The following PET117 variants were observed in gnomAD, a reference collection of about 807,000 sequenced individuals.
PET117 encodes the protein PET117 cytochrome c oxidase chaperone, also known as protein PET117 homolog, mitochondrial.
A neutral mutation model predicts 9.2 loss-of-function variants in PET117; 10 were observed. The ratio of observed to expected loss-of-function variants is 1.09; its 90% confidence interval spans 0.67 to 1.85. PET117 has a LOEUF of 1.85. Among genes scored for constraint, PET117 ranks in the 40% most tolerant of loss-of-function variants. PET117 has a pLI of 0.00. For missense variants in PET117, 96 were observed against 98.2 expected, an observed-to-expected ratio of 0.98 and a Z score of 0.09; for synonymous variants, 43 against 37.1, an observed-to-expected ratio of 1.16 and a Z score of -0.57.
At chr20:18,139,000 G>A (rs1027160284) in intron 1 of PET117, among the ~76,000 whole-genome samples, 1 of 152,196 alleles carries the variant, frequency 6.6e-6, no homozygotes, top group Non-Finnish European at 1.5e-5. Flanking sequence ...ATAATGGACT[G>A]GATGAATCAA....
chr20:18,139,220 G>A (rs1365328165), intron 1 of PET117, among the ~76,000 whole-genome samples: 1 of 152,156 alleles, frequency 6.6e-6, no homozygotes, highest in African/African-American at 2.4e-5. Flanking sequence ...CAGAGATTTG[G>A]GATTAAAATG....
At chr20:18,141,897 T>TC in intron 1 of PET117, among the ~76,000 whole-genome samples, 1 of 151,082 alleles carries the variant, frequency 6.6e-6, no homozygotes, top group East Asian at 1.9e-4. Flanking sequence ...AAAAAATAAA[T>TC]AAAAAAAAAT....
chr20:18,142,198 AC>A lies in PET117; in HGVS notation c.97-9del, dbSNP rs1332371162. 1 of 1,535,776 alleles carries A rather than the reference AC, an allele frequency of 6.5e-7. No individual in the cohort carries two copies. Among genetic ancestry groups the A allele is most frequent in the Admixed American group, 2.0e-5 (1 of 50,840 alleles). ...GGGATGTTACTGAAATCTGTTTCTT[AC>A]GTTTTTAGAGGCTTCGTGACGGAGT... On this transcript the variant is annotated splice_polypyrimidine_tract_variant and intron_variant, in intron 1 of 1. Coordinates refer to ENST00000432901, the MANE Select transcript of PET117 (RefSeq NM_001164811.2).
In PET117 at chr20:18,142,939, CTTTGA is replaced by C; in HGVS notation, c.*587_*591del. The C allele has an allele frequency of 3.1e-6, 5 of 1,608,624 alleles. No individual in the cohort carries two copies. The highest frequency in any genetic ancestry group is 1.1e-5 in the South Asian group (1 of 90,956). ...CAGCCAGTAAGGAGCTTCTCAATTC[CTTTGA>C]TTTGTCAATTCCTGTGTGAAGGTTT... On this transcript the variant is annotated 3_prime_UTR_variant, in exon 2 of 2. Transcript: ENST00000432901.
chr20:18,140,946 C>A (rs1479176917), intron 1 of PET117, among the ~76,000 whole-genome samples: 1 of 149,868 alleles, frequency 6.7e-6, no homozygotes, highest in Non-Finnish European at 1.5e-5. Context: ...CAGCCTGTGC[C>A]TCCCAGGCTG....
chr20:18,141,759 C>A (rs1314049768), intron 1 of PET117, among the ~76,000 whole-genome samples: 1 of 152,164 alleles, frequency 6.6e-6, no homozygotes, highest in Non-Finnish European at 1.5e-5. Context: ...TGATGCACGC[C>A]TGTAGTCTCA....
intron 1 of PET117, among the ~76,000 whole-genome samples, chr20:18,139,855 G>C (rs1157204250): frequency 6.6e-6 from 1 of 152,084 alleles, no homozygotes; most frequent in Non-Finnish European, 1.5e-5. Context: ...AGTGTATTAA[G>C]CACTTTATGT....
chr20:18,138,177 T>C, intron 1 of PET117, 126 bp downstream of exon 1: 1 of 1,295,860 alleles, frequency 7.7e-7, no homozygotes, highest in Non-Finnish European at 9.8e-7. Context: ...GGCGCGGCCC[T>C]GCACCCCACG....
At position 18,142,189 on chromosome 20, in the gene PET117, C is replaced by T. The variant is rs2037612728; in HGVS notation, c.97-19C>T. 2 of 1,534,084 alleles carry T rather than the reference C, an allele frequency of 1.3e-6. No homozygotes were observed. The highest frequency in any genetic ancestry group is 2.4e-5 in the South Asian group (2 of 83,722). ...CACCTGTTCGGGATGTTACTGAAAT[C>T]TGTTTCTTACGTTTTTAGAGGCTTC... is the stretch of plus-strand genomic sequence containing the variant. On this transcript the variant is annotated intron_variant, in intron 1 of 1. Coordinates refer to ENST00000432901, the MANE Select transcript of PET117 (RefSeq NM_001164811.2).
intron 1 of PET117, among the ~76,000 whole-genome samples, chr20:18,138,804 C>T (rs2037405863): frequency 6.6e-6 from 1 of 152,088 alleles, no homozygotes; most frequent in Non-Finnish European, 1.5e-5. Context: ...GTTGACAGAC[C>T]TTTAATGGGT....
intron 1 of PET117, among the ~76,000 whole-genome samples, chr20:18,138,859 A>G (rs1012977845): frequency 6.6e-6 from 1 of 152,198 alleles, no homozygotes; most frequent in African/African-American, 2.4e-5. Context: ...TGGGAATACA[A>G]AGATAAGGAA....
intron 1 of PET117, among the ~76,000 whole-genome samples, chr20:18,141,869 G>C (rs1220136786): frequency 6.6e-6 from 1 of 152,134 alleles, no homozygotes; most frequent in East Asian, 1.9e-4. Flanking sequence ...CTGGGCGACA[G>C]AGCGAGACTC....
Position 18,137,879 on chromosome 20 carries a change from G to A in PET117, c.-77G>A. On this transcript the variant is annotated 5_prime_UTR_variant, in exon 1 of 2. Transcript: ENST00000432901. ...CGAGGGGTCGAGCCTGGGCAGTACAGGCGGCGGTGCGCACTCTGCGGCGGC... is the reference window on the plus strand; with the variant it reads ...CGAGGGGTCGAGCCTGGGCAGTACAAGCGGCGGTGCGCACTCTGCGGCGGC... 1 of 1,386,956 alleles carries A rather than the reference G, an allele frequency of 7.2e-7. No individual in the cohort carries two copies. Among genetic ancestry groups the A allele is most frequent in the South Asian group, 1.5e-5 (1 of 68,246 alleles). 85.9% of individuals were successfully genotyped at this position (1,386,956 alleles called of 1,614,324 possible).
chr20:18,139,574 A>G (rs1182094339), intron 1 of PET117, among the ~76,000 whole-genome samples: 1 of 151,950 alleles, frequency 6.6e-6, no homozygotes, highest in Non-Finnish European at 1.5e-5. Flanking sequence ...ACTAAGCACC[A>G]TTGTGTTACA....
rs1253113580 is a variant in PET117 at position 18,142,729 on chromosome 20, C to T, written c.*372C>T. 1 of 1,614,072 alleles carries T rather than the reference C, an allele frequency of 6.2e-7. No homozygotes were observed. The highest frequency in any genetic ancestry group is 2.2e-5 in the East Asian group (1 of 44,892). On this transcript the variant is annotated 3_prime_UTR_variant, in exon 2 of 2. Coordinates refer to ENST00000432901, the MANE Select transcript of PET117 (RefSeq NM_001164811.2). ...ATGACGAAGCCACGAGAACATCGAC[C>T]TCAGAAGGACTGGAGGAAGGTGAAG... is the stretch of plus-strand genomic sequence containing the variant.
intron 1 of PET117, among the ~76,000 whole-genome samples, chr20:18,141,379 C>G (rs1040670792): frequency 2.0e-5 from 3 of 151,958 alleles, no homozygotes; most frequent in African/African-American, 7.3e-5. Flanking sequence ...TCTTTTTCTT[C>G]TTTCTCTGTT....
chr20:18,142,381 A>C lies in PET117; in HGVS notation c.*24A>C. 1 of 1,530,884 alleles carries C rather than the reference A, an allele frequency of 6.5e-7. No homozygotes were observed. The highest frequency in any genetic ancestry group is 1.2e-5 in the South Asian group (1 of 83,470). 94.8% of individuals were successfully genotyped at this position (1,530,884 alleles called of 1,614,324 possible). ...GACTTGAATGTGAAATATCTGTTGG[A>C]CAGACAACACGAGTTTGTGTGTGTG... On this transcript the variant is annotated 3_prime_UTR_variant, in exon 2 of 2. Coordinates refer to ENST00000432901, the MANE Select transcript of PET117 (RefSeq NM_001164811.2).
At position 18,142,372 on chromosome 20, in the gene PET117, A is replaced by G. The variant is rs765655762; in HGVS notation, c.*15A>G. Reference sequence around the variant, plus strand: ...AAAAATCATGACTTGAATGTGAAATATCTGTTGGACAGACAACACGAGTTT... The same window carrying G: ...AAAAATCATGACTTGAATGTGAAATGTCTGTTGGACAGACAACACGAGTTT... On this transcript the variant is annotated 3_prime_UTR_variant, in exon 2 of 2. Transcript: ENST00000432901. 4.6e-6 allele frequency: 7 copies of G among 1,534,786 alleles called. No homozygotes were observed. In the African/African-American group the frequency reaches 9.6e-5, roughly 21 times the overall value.
chr20:18,139,844 C>T (rs572591738), intron 1 of PET117, among the ~76,000 whole-genome samples: 16 of 152,202 alleles, frequency 1.1e-4, no homozygotes, highest in South Asian at 4.1e-4. Flanking sequence ...ACATACCAGG[C>T]AGTGTATTAA....
Sources: allele counts gnomAD v4.1 joint callset (sites outside exome capture counted in the v4.1 genomes callset), GRCh38; gene constraint gnomAD v4.1.1; transcripts MANE v1.5; gene names NCBI Gene and HGNC (gene_info 2026-07-23, HGNC 2026-07-21).